SAR1B: variants seen among roughly 807,000 people sequenced by gnomAD.
SAR1B encodes the protein secretion associated Ras related GTPase 1B, also known as small COPII coat GTPase SAR1B.
In SAR1B, 23 loss-of-function variants were observed where a neutral mutation model predicts 26.8. The observed-to-expected ratio is 0.86, with a 90% CI of 0.62 to 1.22. The LOEUF is 1.22. SAR1B is among the 50% of genes most tolerant of loss of function. SAR1B has a pLI of 0.00. For missense variants in SAR1B, 196 were observed against 232.8 expected, an observed-to-expected ratio of 0.84 and a Z score of 1.03; for synonymous variants, 65 against 80.8, an observed-to-expected ratio of 0.80 and a Z score of 1.05.
rs987941599 is a variant in SAR1B at position 134,603,240 on chromosome 5, A to T, written c.*3710T>A. On this transcript the variant is annotated 3_prime_UTR_variant, in exon 7 of 7. Transcript: ENST00000402673. ...CAATAAATCCTTGCAAACGTCAGTCATGTAAGTGACTAACAAGACTGAAAT... is the reference window on the plus strand; with the variant it reads ...CAATAAATCCTTGCAAACGTCAGTCTTGTAAGTGACTAACAAGACTGAAAT... 1.5e-4 allele frequency: 23 copies of T among 152,342 alleles called. No homozygotes were observed. The highest frequency in any genetic ancestry group is 5.5e-4 in the African/African-American group (23 of 41,580). The allele number at this position is 152,342 out of a possible 1,614,324, so 9.4% of individuals were successfully genotyped here.
At chr5:134,608,641 C>A in intron 5 of SAR1B, 138 bp from the exon 6 acceptor site, 1 of 937,938 alleles carries the variant, frequency 1.1e-6, no homozygotes. Flanking sequence ...ACTTTCCCCA[C>A]ATTTTAAAGT....
intron 1 of SAR1B, among the ~76,000 whole-genome samples, chr5:134,629,115 T>TAA (rs781245048): frequency 5.9e-5 from 8 of 135,000 alleles, no homozygotes; most frequent in Admixed American, 1.5e-4. Flanking sequence ...ACCCTGTCTT[T>TAA]AAAAAAAAAA....
intron 1 of SAR1B, among the ~76,000 whole-genome samples, chr5:134,628,236 A>G (rs1336735385): frequency 1.6e-4 from 25 of 152,066 alleles, no homozygotes; most frequent in Non-Finnish European, 2.9e-5. Flanking sequence ...AAAATTAGCC[A>G]GATGTGATAG....
Position 134,623,813 on chromosome 5 carries a change from T to A in SAR1B, c.58+149A>T, listed in dbSNP as rs145209918. On this transcript the variant is annotated intron_variant, in intron 2 of 6. Coordinates refer to ENST00000402673, the MANE Select transcript of SAR1B (RefSeq NM_016103.4). ...CTTAATTTAAAAGGGATACAATGAGTAATTGAACATCTATGTATGATTTCA... is the reference window on the plus strand; with the variant it reads ...CTTAATTTAAAAGGGATACAATGAGAAATTGAACATCTATGTATGATTTCA... The A allele has an allele frequency of 7.2e-3, 4,659 of 649,398 alleles. 38 individuals are homozygous for A. Among genetic ancestry groups the A allele is most frequent in the Middle Eastern group, 0.033 (109 of 3,346 alleles). The allele number at this position is 649,398 out of a possible 1,614,324, so 40.2% of individuals were successfully genotyped here.
At chr5:134,616,483 C>T (rs1355459735) in intron 3 of SAR1B, among the ~76,000 whole-genome samples, 1 of 148,630 alleles carries the variant, frequency 6.7e-6, no homozygotes, top group African/African-American at 2.5e-5. Flanking sequence ...TGTAGATTGC[C>T]AAATGAATAA....
chr5:134,608,834 C>T, intron 5 of SAR1B: 1 of 381,094 alleles, frequency 2.6e-6, no homozygotes, highest in Non-Finnish European at 5.0e-6. Flanking sequence ...GCAAGTTAGC[C>T]TGACTGAAGC....
In SAR1B at chr5:134,604,968, A is replaced by G. The variant is rs1368860285; in HGVS notation, c.*1982T>C. On this transcript the variant is annotated 3_prime_UTR_variant, in exon 7 of 7. Coordinates refer to ENST00000402673, the MANE Select transcript of SAR1B (RefSeq NM_016103.4). ...CTGGAAGAAGAAATCAATAGGCTGCAATGTCATGTTCTACTTTTCCCATAG... is the reference window on the plus strand; with the variant it reads ...CTGGAAGAAGAAATCAATAGGCTGCGATGTCATGTTCTACTTTTCCCATAG... 6.6e-6 allele frequency: 1 copy of G among 152,226 alleles called. No individual in the cohort carries two copies. The highest frequency in any genetic ancestry group is 1.5e-5 in the Non-Finnish European group (1 of 68,040). 9.4% of individuals were successfully genotyped at this position (152,226 alleles called of 1,614,324 possible).
At chr5:134,608,871 T>A in intron 5 of SAR1B, 1 of 368,316 alleles carries the variant, frequency 2.7e-6, no homozygotes, top group Non-Finnish European at 5.3e-6. Context: ...AACAGTAGCA[T>A]CCACCCTATG....
At chr5:134,621,147 C>A in intron 2 of SAR1B, 95 bp from the exon 3 acceptor site, 2 of 1,371,072 alleles carry the variant, frequency 1.5e-6, no homozygotes, top group South Asian at 2.4e-5. Flanking sequence ...AAGTTCTAAA[C>A]CTATTTTCAG....
intron 5 of SAR1B, chr5:134,608,991 C>A: frequency 2.3e-6 from 1 of 425,782 alleles, no homozygotes; most frequent in South Asian, 1.7e-5. Flanking sequence ...CTTTTCCACA[C>A]GTACAAGTAT....
chr5:134,609,714 C>T, intron 4 of SAR1B, 40 bp from the exon 5 acceptor site: 5 of 1,521,262 alleles, frequency 3.3e-6, no homozygotes, highest in Non-Finnish European at 4.6e-6. Context: ...ACTTGTTGGT[C>T]AAACCCAGCA....
At chr5:134,627,529 TGGCTCACGCC>T (rs1765513973) in intron 1 of SAR1B, among the ~76,000 whole-genome samples, 1 of 149,644 alleles carries the variant, frequency 6.7e-6, no homozygotes, top group Middle Eastern at 3.2e-3. Flanking sequence ...CCGGGCGTGG[TGGCTCACGCC>T]TGTAATCCCA....
At position 134,603,344 on chromosome 5, in the gene SAR1B, G is replaced by A. The variant is rs1765073144; in HGVS notation, c.*3606C>T. 1 of 152,144 alleles carries A rather than the reference G, an allele frequency of 6.6e-6. No individual in the cohort carries two copies. The highest frequency in any genetic ancestry group is 6.5e-5 in the Admixed American group (1 of 15,278). 9.4% of individuals were successfully genotyped at this position (152,144 alleles called of 1,614,324 possible). ...TGAAACTCTCCAATCATGTTAACTA[G>A]AACTATACTGTTTCTAATGATGGAA... On this transcript the variant is annotated 3_prime_UTR_variant, in exon 7 of 7. Transcript: ENST00000402673.
At chr5:134,624,060 T>C (rs753196780) in intron 1 of SAR1B, 23 bp from the exon 2 acceptor site, 1 of 1,392,842 alleles carries the variant, frequency 7.2e-7, no homozygotes. Context: ...AGTTTGAATT[T>C]AGTAGTCAAC....
Position 134,606,576 on chromosome 5 carries a change from C to T in SAR1B, c.*374G>A, listed in dbSNP as rs933240600. 1 of 230,732 alleles carries T rather than the reference C, an allele frequency of 4.3e-6. No homozygotes were observed. Among genetic ancestry groups the T allele is most frequent in the African/African-American group, 2.3e-5 (1 of 43,860 alleles). The allele number at this position is 230,732 out of a possible 1,614,324, so 14.3% of individuals were successfully genotyped here. Reference sequence around the variant, plus strand: ...GGACATATAATCTAAAATTTAAAAACTAGTTCCAGAAAAGTACATAAAAAA... The same window carrying T: ...GGACATATAATCTAAAATTTAAAAATTAGTTCCAGAAAAGTACATAAAAAA... On this transcript the variant is annotated 3_prime_UTR_variant, in exon 7 of 7. Coordinates refer to ENST00000402673, the MANE Select transcript of SAR1B (RefSeq NM_016103.4).
At chr5:134,608,875 C>T (rs1014489365) in intron 5 of SAR1B, 1 of 366,368 alleles carries the variant, frequency 2.7e-6, no homozygotes, top group Non-Finnish European at 5.3e-6. Context: ...GTAGCATCCA[C>T]CCTATGAAAT....
At position 134,608,409 on chromosome 5, in the gene SAR1B, C is replaced by A; in HGVS notation, c.443G>T (p.Arg148Leu). 6.2e-7 allele frequency: 1 copy of A among 1,600,734 alleles called. No individual in the cohort carries two copies. The highest frequency in any genetic ancestry group is 8.5e-7 in the Non-Finnish European group (1 of 1,173,128). ...CTGACCATATAAACCAAACATCTCT[C>A]GCAACCTCTCTTCACTGATGGCTTC... ...RPEAISEERL[R>L]EMFGLYGQTT... Residue 148 changes from arginine (R) to leucine (L), a missense_variant, in exon 6 of 7, where the codon CGA becomes CTA. Arg to Leu is a moderately radical substitution (Grantham distance 102). Coordinates refer to ENST00000402673, the MANE Select transcript of SAR1B (RefSeq NM_016103.4).
Position 134,620,682 on chromosome 5 carries a change from G to A in SAR1B, c.178+251C>T, listed in dbSNP as rs184925445. Among the ~76,000 whole-genome samples the A allele has an allele frequency of 4.1e-3, 619 of 152,166 alleles. 3 individuals carry two copies. The highest frequency in any genetic ancestry group is 0.013 in the African/African-American group (533 of 41,514). ...TCAAGACCACCCTGGGAAACATATC[G>A]AAACCTGGTCTCTGAAAAAATATAA... On this transcript the variant is annotated intron_variant, in intron 3 of 6. Transcript: ENST00000402673.
At chr5:134,620,681 C>T (rs960972684) in intron 3 of SAR1B, among the ~76,000 whole-genome samples, 3 of 152,090 alleles carry the variant, frequency 2.0e-5, no homozygotes, top group African/African-American at 4.8e-5. Context: ...GGAAACATAT[C>T]GAAACCTGGT....
Sources: gnomAD v4.1 joint callset for allele counts (sites outside exome capture counted in the v4.1 genomes callset) on GRCh38, gnomAD v4.1.1 for gene constraint, MANE v1.5 for transcripts, NCBI Gene and HGNC (gene_info 2026-07-23, HGNC 2026-07-21) for gene names.